MGARP: variants seen among roughly 807,000 people sequenced by gnomAD.
MGARP encodes protein MGARP.
Under a neutral mutation model 11.0 loss-of-function variants are expected in MGARP, and 12 were observed. That is an observed-to-expected ratio of 1.09 (90% confidence interval 0.70 to 1.77). MGARP has a LOEUF of 1.77. Among genes scored for constraint, MGARP ranks in the 40% most tolerant of loss-of-function variants. The pLI, the probability that MGARP is intolerant of heterozygous loss-of-function variation, is 0.00. For missense variants in MGARP, 283 were observed against 297.8 expected (o/e 0.95, Z 0.36); for synonymous variants, 110 against 115.4 (o/e 0.95, Z 0.30).
rs1230403156 is a variant in MGARP at position 139,275,325 on chromosome 4, C to T, written c.150G>A (p.Leu50=). Residue 50 remains leucine, a synonymous_variant, in exon 2 of 4, where the codon CTG becomes CTA. Coordinates refer to ENST00000398955, the MANE Select transcript of MGARP (RefSeq NM_032623.4). ...CAGCACTGACTGTGACGCCTACAACCAGATAATAAATCATATTTGATCCAG... is the reference window on the plus strand; with the variant it reads ...CAGCACTGACTGTGACGCCTACAACTAGATAATAAATCATATTTGATCCAG... ...GSSGSNMIYY[L]VVGVTVSAGG... 1 of 1,613,878 alleles carries T rather than the reference C, an allele frequency of 6.2e-7. No individual in the cohort carries two copies. The highest frequency in any genetic ancestry group is 8.5e-7 in the Non-Finnish European group (1 of 1,179,948).
intron 2 of MGARP, among the ~76,000 whole-genome samples, chr4:139,274,408 C>T (rs1186781572): frequency 6.6e-6 from 1 of 151,972 alleles, no homozygotes; most frequent in East Asian, 1.9e-4. Flanking sequence ...AGTTTCTGTA[C>T]TTTCTGCTCA....
intron 1 of MGARP, 37 bp downstream of exon 1, chr4:139,280,040 G>T (rs753904059): frequency 2.5e-6 from 4 of 1,605,648 alleles, no homozygotes; most frequent in Non-Finnish European, 3.4e-6. Context: ...CACCCGAGGC[G>T]CCCGTCCTCC....
chr4:139,271,465 G>A (rs1744780432), intron 2 of MGARP, among the ~76,000 whole-genome samples: 1 of 152,192 alleles, frequency 6.6e-6, no homozygotes, highest in African/African-American at 2.4e-5. Context: ...GGCGGAGGTT[G>A]CAGTGAGATG....
At position 139,275,332 on chromosome 4, in the gene MGARP, TA is replaced by T. The variant is rs1177013773; in HGVS notation, c.142del (p.Tyr48IlefsTer5). ...GACTGTGACGCCTACAACCAGATAA[TA>T]AATCATATTTGATCCAGATGATCCA... is the stretch of plus-strand genomic sequence containing the variant. ...FPGSSGSNMI[Y>X]YLVVGVTVSA... On this transcript the variant is annotated frameshift_variant, in exon 2 of 4. Transcript: ENST00000398955. LOFTEE classifies it high-confidence loss of function. 2 of 1,613,966 alleles carry T rather than the reference TA, an allele frequency of 1.2e-6. No individual in the cohort carries two copies. Among genetic ancestry groups the T allele is most frequent in the African/African-American group, 2.7e-5 (2 of 74,922 alleles).
At chr4:139,268,246 A>G (rs1008137082) in intron 3 of MGARP, among the ~76,000 whole-genome samples, 3 of 152,340 alleles carry the variant, frequency 2.0e-5, no homozygotes, top group Admixed American at 2.0e-4. Flanking sequence ...CTCATTATAC[A>G]CAACTGATTC....
intron 3 of MGARP, among the ~76,000 whole-genome samples, chr4:139,268,230 G>A (rs1479879033): frequency 6.6e-6 from 1 of 152,154 alleles, no homozygotes; most frequent in African/African-American, 2.4e-5. Context: ...TTTATCAACT[G>A]AAGGACTCAT....
chr4:139,269,283 A>G (rs1334624561), intron 2 of MGARP, among the ~76,000 whole-genome samples: 1 of 152,226 alleles, frequency 6.6e-6, no homozygotes, highest in African/African-American at 2.4e-5. Context: ...ATCTAGGTTC[A>G]CATGAAAACC....
rs772919139 is a variant in MGARP at position 139,275,409 on chromosome 4, T to A, written c.83-17A>T. On this transcript the variant is annotated splice_polypyrimidine_tract_variant and intron_variant, in intron 1 of 3. Transcript: ENST00000398955. ...GCAGAGATGCTAGGAAAAAAATGTT[T>A]AAACACAGTTAGCTTCACTAGTTGA... is the stretch of plus-strand genomic sequence containing the variant. 6 of 1,596,082 alleles carry A rather than the reference T, an allele frequency of 3.8e-6. No individual in the cohort carries two copies. The East Asian group carries it at 1.3e-4, about 36-fold the overall frequency.
chr4:139,268,185 T>C (rs942280450), intron 3 of MGARP, among the ~76,000 whole-genome samples: 1 of 151,410 alleles, frequency 6.6e-6, no homozygotes, highest in Admixed American at 6.6e-5. Context: ...AAGGAAAGAG[T>C]GAAAATATAA....
At chr4:139,277,987 G>A (rs1477988869) in intron 1 of MGARP, among the ~76,000 whole-genome samples, 1 of 152,090 alleles carries the variant, frequency 6.6e-6, no homozygotes, top group Non-Finnish European at 1.5e-5. Flanking sequence ...CAGCACTTTG[G>A]GAGGCCGAGG....
chr4:139,269,630 CAAA>C (rs56142345), intron 2 of MGARP, among the ~76,000 whole-genome samples: 5 of 81,836 alleles, frequency 6.1e-5, no homozygotes, highest in Admixed American at 3.1e-4. Flanking sequence ...GACTCCATCT[CAAA>C]AAAAAAAAAA....
chr4:139,277,843 G>A (rs979738966), intron 1 of MGARP, among the ~76,000 whole-genome samples: 1 of 152,192 alleles, frequency 6.6e-6, no homozygotes, highest in African/African-American at 2.4e-5. Context: ...TGTTCACTGA[G>A]TGGTAGGATT....
chr4:139,272,507 C>A (rs1269219413), intron 2 of MGARP, among the ~76,000 whole-genome samples: 3 of 140,198 alleles, frequency 2.1e-5, no homozygotes, highest in Non-Finnish European at 3.0e-5. Flanking sequence ...TGCAGTGAGC[C>A]GAGATTGCAT....
intron 2 of MGARP, among the ~76,000 whole-genome samples, chr4:139,273,794 G>A (rs188559248): frequency 3.9e-5 from 6 of 152,128 alleles, no homozygotes; most frequent in East Asian, 3.9e-4. Flanking sequence ...GATTACAGGC[G>A]TGAGCCACCA....
rs1360742624 is a variant in MGARP at position 139,266,896 on chromosome 4, G to A, written c.426C>T (p.His142=). 1.2e-6 allele frequency: 2 copies of A among 1,614,028 alleles called. No homozygotes were observed. Among genetic ancestry groups the A allele is most frequent in the South Asian group, 1.1e-5 (1 of 91,086 alleles). ...CTGTGGTCTCCGGAGCAGCCTCCAC[G>A]TGACCTGGACAGGCAGATGCCTCTT... is the stretch of plus-strand genomic sequence containing the variant. The part of the protein sequence containing the change: ...VIKEASACPG[H]VEAAPETTAV... The change falls in exon 4 of 4, where the codon CAC becomes CAT. Residue 142 remains histidine, a synonymous_variant. Transcript: ENST00000398955.
In MGARP at chr4:139,267,054, G is replaced by A. The variant is rs1277989874; in HGVS notation, c.281-13C>T. On this transcript the variant is annotated splice_polypyrimidine_tract_variant and intron_variant, in intron 3 of 3. Transcript: ENST00000398955. ...TTCTCCTTTTCACCTTTAAGAATTA[G>A]TCATTAAGCAAGGTATTAATTTAAA... 6.2e-7 allele frequency: 1 copy of A among 1,607,818 alleles called. No individual in the cohort carries two copies. The highest frequency in any genetic ancestry group is 8.5e-7 in the Non-Finnish European group (1 of 1,176,648).
chr4:139,280,139 A>G lies in MGARP; in HGVS notation c.20T>C (p.Val7Ala). The G allele has an allele frequency of 6.2e-7, 1 of 1,610,998 alleles. No individual in the cohort carries two copies. Among genetic ancestry groups the G allele is most frequent in the East Asian group, 2.2e-5 (1 of 44,802 alleles). Residue 7 changes from valine to alanine, a missense_variant, in exon 1 of 4, where the codon GTC becomes GCC. Transcript: ENST00000398955. ...CAGCGGCAGCGCCAGAGTCTTGGAG[A>G]CCGCCCTGCGGAGATACATCGCGCC... is the stretch of plus-strand genomic sequence containing the variant. MYLRRA[V>A]SKTLALPLRA...
Position 139,266,793 on chromosome 4 carries a change from G to A in MGARP, c.529C>T (p.Pro177Ser), listed in dbSNP as rs148366930. ...ETTEVNPETT[P>S]EVTNAALDEA... ...TCCAGGGCAGCATTTGTAACCTCTG[G>A]GGTTGTTTCAGGGTTTACTTCCGTG... Residue 177 changes from proline (P) to serine (S), a missense_variant, in exon 4 of 4, where the codon CCA (proline) becomes TCA (serine). Pro to Ser is a moderately conservative substitution (Grantham distance 74). Coordinates refer to ENST00000398955, the MANE Select transcript of MGARP (RefSeq NM_032623.4). 235 of 1,614,130 alleles carry A rather than the reference G, an allele frequency of 1.5e-4. 1 individual carries two copies. Among genetic ancestry groups the A allele is most frequent in the South Asian group, 9.4e-4 (86 of 91,082 alleles).
intron 1 of MGARP, among the ~76,000 whole-genome samples, chr4:139,276,224 C>T (rs564150378): frequency 7.9e-5 from 12 of 152,082 alleles, no homozygotes; most frequent in Non-Finnish European, 1.2e-4. Flanking sequence ...GCATCTACTA[C>T]GTATTTGGAA....
Sources: gnomAD v4.1 joint callset for allele counts (sites outside exome capture counted in the v4.1 genomes callset) on GRCh38, gnomAD v4.1.1 for gene constraint, MANE v1.5 for transcripts, NCBI Gene and HGNC (gene_info 2026-07-23, HGNC 2026-07-21) for gene names.